FAM227A: variants seen among roughly 807,000 people sequenced by gnomAD.
FAM227A encodes the protein protein FAM227A.
In FAM227A, 80 loss-of-function variants were observed where a neutral mutation model predicts 74.7. The observed-to-expected ratio is 1.07, with a 90% CI of 0.89 to 1.29. The LOEUF is 1.29. Ranked by LOEUF, FAM227A falls within the 50% of genes most tolerant of loss-of-function variation. The probability of loss-of-function intolerance (pLI) is 0.00; values close to 1 mark genes in which losing one functional copy is unlikely to be tolerated. For missense variants in FAM227A, 654 were observed against 683.4 expected (o/e 0.96, Z 0.48); for synonymous variants, 237 against 241.8 (o/e 0.98, Z 0.19).
In FAM227A at chr22:38,636,466, GTC is replaced by G. The variant is rs1278680129; in HGVS notation, c.502_503del (p.Asp168LeufsTer3). 1 of 1,551,274 alleles carries G rather than the reference GTC, an allele frequency of 6.4e-7. No individual in the cohort carries two copies. On this transcript the variant is annotated frameshift_variant, in exon 6 of 17. Coordinates refer to ENST00000535113, the MANE Select transcript of FAM227A (RefSeq NM_001013647.2). LOFTEE classifies it high-confidence loss of function. Reference sequence around the variant, plus strand: ...TTTTCCTCACCTTGCCACTAAGGCAGTCTCTCTCAGCCCGGACCACGTTGCCC... The same window carrying G: ...TTTTCCTCACCTTGCCACTAAGGCAGTCTCTCAGCCCGGACCACGTTGCCC... ...MVGNVVRAER[D>X]CLSGKHFCSG...
intron 13 of FAM227A, 85 bp from the exon 14 acceptor site, chr22:38,600,006 A>C: frequency 3.3e-6 from 4 of 1,205,178 alleles, no homozygotes; most frequent in African/African-American, 1.5e-5. Flanking sequence ...CAAAGCACTC[A>C]TGTCCTTTGA....
chr22:38,638,542 AC>A, intron 5 of FAM227A, among the ~76,000 whole-genome samples: 1 of 152,058 alleles, frequency 6.6e-6, no homozygotes. Flanking sequence ...CAGACACATG[AC>A]CTCTGTCACC....
intron 6 of FAM227A, among the ~76,000 whole-genome samples, chr22:38,635,653 C>T (rs1054519815): frequency 3.3e-5 from 5 of 152,124 alleles, no homozygotes; most frequent in Non-Finnish European, 5.9e-5. Flanking sequence ...ATACTCACCC[C>T]CAGAGGCATG....
At chr22:38,597,918 C>T (rs1379348565) in intron 14 of FAM227A, among the ~76,000 whole-genome samples, 1 of 152,044 alleles carries the variant, frequency 6.6e-6, no homozygotes, top group Non-Finnish European at 1.5e-5. Context: ...TGGCACATGC[C>T]TGTAATCCCA....
intron 3 of FAM227A, among the ~76,000 whole-genome samples, chr22:38,643,182 G>C (rs759671877): frequency 1.3e-5 from 2 of 151,744 alleles, no homozygotes; most frequent in South Asian, 2.1e-4. Context: ...CGGGAGTGGT[G>C]GTGGGTGCCT....
At chr22:38,602,053 C>T (rs948591957) in intron 13 of FAM227A, among the ~76,000 whole-genome samples, 1 of 152,086 alleles carries the variant, frequency 6.6e-6, no homozygotes, top group African/African-American at 2.4e-5. Flanking sequence ...GCAGTTATAC[C>T]TTAATGGAAC....
rs367737953 is a variant in FAM227A, at chr22:38,620,299, A to C, written c.959-8T>G. 34 of 1,545,864 alleles carry C rather than the reference A, an allele frequency of 2.2e-5. No individual in the cohort carries two copies. The highest frequency in any genetic ancestry group is 3.0e-5 in the Non-Finnish European group (34 of 1,141,842). Reference sequence around the variant, plus strand: ...ACAAAGAAAACTCTCTCCCTATAGAAGGGGAAAAGCTGTTATTAATTCCTC... The same window carrying C: ...ACAAAGAAAACTCTCTCCCTATAGACGGGGAAAAGCTGTTATTAATTCCTC... On this transcript the variant is annotated splice_region_variant and splice_polypyrimidine_tract_variant and intron_variant, in intron 10 of 16. Coordinates refer to ENST00000535113, the MANE Select transcript of FAM227A (RefSeq NM_001013647.2).
rs1346514291 is a variant in FAM227A at position 38,628,936 on chromosome 22, C to A, written c.520-1G>T. On this transcript the variant is annotated splice_acceptor_variant, in intron 6 of 16. Coordinates refer to ENST00000535113, the MANE Select transcript of FAM227A (RefSeq NM_001013647.2). LOFTEE classifies it high-confidence loss of function. ...CTAATTCTCTACCTGAACAGAAATG[C>A]TTGGAAAAAAAAATTCACAGTATTA... is the stretch of plus-strand genomic sequence containing the variant. The A allele has an allele frequency of 6.8e-7, 1 of 1,473,338 alleles. No individual in the cohort carries two copies. The highest frequency in any genetic ancestry group is 9.1e-7 in the Non-Finnish European group (1 of 1,095,426). The allele number at this position is 1,473,338 out of a possible 1,614,324, so 91.3% of individuals were successfully genotyped here. A position where few individuals can be genotyped will look rare whatever the true frequency, so the allele number is the denominator to read the frequency against.
intron 8 of FAM227A, among the ~76,000 whole-genome samples, chr22:38,627,530 T>G (rs1603006900): frequency 1.3e-5 from 2 of 152,022 alleles, no homozygotes; most frequent in East Asian, 3.9e-4. Context: ...ATCATACTAC[T>G]GCACTCCAGC....
At chr22:38,618,002 G>A (rs907429386) in intron 11 of FAM227A, among the ~76,000 whole-genome samples, 3 of 152,112 alleles carry the variant, frequency 2.0e-5, no homozygotes, top group African/African-American at 7.2e-5. Flanking sequence ...CATGATCAGA[G>A]TAATAACCAA....
At chr22:38,605,025 T>C (rs2091255266) in intron 13 of FAM227A, among the ~76,000 whole-genome samples, 1 of 152,156 alleles carries the variant, frequency 6.6e-6, no homozygotes, top group South Asian at 2.1e-4. Context: ...ATTTGACAAA[T>C]TGGGTACCTG....
At chr22:38,590,880 G>T (rs1278839353) in intron 16 of FAM227A, among the ~76,000 whole-genome samples, 1 of 152,074 alleles carries the variant, frequency 6.6e-6, no homozygotes, top group African/African-American at 2.4e-5. Flanking sequence ...CAGCTCCCGG[G>T]TTCAAGCGAT....
intron 15 of FAM227A, among the ~76,000 whole-genome samples, chr22:38,596,236 G>T (rs1415066570): frequency 6.6e-6 from 1 of 152,138 alleles, no homozygotes; most frequent in East Asian, 1.9e-4. Context: ...CGGGAGGATT[G>T]CTTGAGCCCA....
At chr22:38,642,441 A>T (rs891940008) in intron 3 of FAM227A, among the ~76,000 whole-genome samples, 3 of 152,210 alleles carry the variant, frequency 2.0e-5, no homozygotes, top group Non-Finnish European at 4.4e-5. Context: ...CAAGAGGAGA[A>T]CACCTAGGTG....
At position 38,610,628 on chromosome 22, in the gene FAM227A, G is replaced by A. The variant is rs142781401; in HGVS notation, c.1039-3152C>T. On this transcript the variant is annotated intron_variant, in intron 11 of 16. Coordinates refer to ENST00000535113, the MANE Select transcript of FAM227A (RefSeq NM_001013647.2). ...GAGAGGATATATGCAAAGAAAACCC[G>A]AACATGGGAGGTGGAGGTTGCAGTG... Among the ~76,000 whole-genome samples the A allele has an allele frequency of 2.6e-4, 39 of 152,336 alleles. No individual in the cohort carries two copies. The East Asian group carries it at 6.0e-3, about 23-fold the overall frequency.
chr22:38,638,737 A>T lies in FAM227A; in HGVS notation c.372+9T>A. On this transcript the variant is annotated intron_variant, in intron 5 of 16. Coordinates refer to ENST00000535113, the MANE Select transcript of FAM227A (RefSeq NM_001013647.2). ...CGGTCAGAAACAGACACAGCAGTAG[A>T]TCCCTTACCCTTTTTATAACAGAAG... is the stretch of plus-strand genomic sequence containing the variant. 6.5e-7 allele frequency: 1 copy of T among 1,541,870 alleles called. No homozygotes were observed. Among genetic ancestry groups the T allele is most frequent in the Non-Finnish European group, 8.8e-7 (1 of 1,138,272 alleles).
chr22:38,645,022 G>C (rs1441829016), intron 3 of FAM227A, among the ~76,000 whole-genome samples: 2 of 151,504 alleles, frequency 1.3e-5, no homozygotes, highest in Non-Finnish European at 2.9e-5. Flanking sequence ...GGGAGGCGGA[G>C]GTTGCAGTGA....
Position 38,628,223 on chromosome 22 carries a change from G to C in FAM227A, c.726+15C>G. On this transcript the variant is annotated intron_variant, in intron 8 of 16. Transcript: ENST00000535113. Reference sequence around the variant, plus strand: ...TCTAATGTGACTTTTTTTCTAGATAGTGGCTGATGCTCACTTTTAAGAGCG... The same window carrying C: ...TCTAATGTGACTTTTTTTCTAGATACTGGCTGATGCTCACTTTTAAGAGCG... The C allele has an allele frequency of 6.9e-7, 1 of 1,453,524 alleles. No individual in the cohort carries two copies. The highest frequency in any genetic ancestry group is 9.4e-7 in the Non-Finnish European group (1 of 1,061,282). 90.0% of individuals were successfully genotyped at this position (1,453,524 alleles called of 1,614,324 possible).
rs1303876118 is a variant in FAM227A, at chr22:38,613,348, TTATATAA to T, written c.1039-5879_1039-5873del. Among the ~76,000 whole-genome samples the T allele has an allele frequency of 5.4e-4, 6 of 11,064 alleles. No homozygotes were observed. In the East Asian group the frequency reaches 0.015, roughly 28 times the overall value. The allele number at this position is 11,064 out of a possible 152,430, so 7.3% of individuals were successfully genotyped here. On this transcript the variant is annotated intron_variant, in intron 11 of 16. Transcript: ENST00000535113. ...TATCATATATAATATATAACATATA[TTATATAA>T]TATATATCATATATAATATATAACA...
Sources: allele counts gnomAD v4.1 joint callset (sites outside exome capture counted in the v4.1 genomes callset), GRCh38; gene constraint gnomAD v4.1.1; transcripts MANE v1.5; gene names NCBI Gene and HGNC (gene_info 2026-07-23, HGNC 2026-07-21).